The following NRG1 variants were observed in gnomAD, a reference collection of about 807,000 sequenced individuals.
The protein encoded by NRG1 is pro-neuregulin-1, membrane-bound isoform.
In NRG1, 18 loss-of-function variants were observed where a neutral mutation model predicts 63.8. The ratio of observed to expected loss-of-function variants is 0.28; its 90% CI spans 0.19 to 0.42. The LOEUF is 0.42. Ranked by LOEUF, NRG1 falls within the 10% of genes least tolerant of loss-of-function variation. NRG1 has a pLI of 1.00. For missense variants in NRG1, 762 were observed against 814.7 expected, an observed-to-expected ratio of 0.94 and a Z score of 0.79; for synonymous variants, 302 against 301.3, an observed-to-expected ratio of 1.00 and a Z score of -0.02.
intron 1 of NRG1, among the ~76,000 whole-genome samples, chr8:32,145,568 A>C (rs1836783744): frequency 6.6e-6 from 1 of 152,200 alleles, no homozygotes; most frequent in Non-Finnish European, 1.5e-5. Flanking sequence ...GGCTGAAATC[A>C]ACTAGTGCTC....
intron 1 of NRG1, among the ~76,000 whole-genome samples, chr8:32,142,795 G>A (rs949449385): frequency 6.6e-5 from 10 of 152,192 alleles, no homozygotes; most frequent in African/African-American, 4.8e-5. Context: ...TTTAAAAATA[G>A]TGCTAATACA....
intron 1 of NRG1, among the ~76,000 whole-genome samples, chr8:32,070,243 T>G (rs1437675564): frequency 6.6e-6 from 1 of 152,138 alleles, no homozygotes; most frequent in Non-Finnish European, 1.5e-5. Context: ...AAGACCAAGT[T>G]TTCAAGCCAA....
chr8:32,479,495 A>G (rs1222582000), intron 1 of NRG1, among the ~76,000 whole-genome samples: 1 of 151,992 alleles, frequency 6.6e-6, no homozygotes, highest in African/African-American at 2.4e-5. Flanking sequence ...AAATAAATAA[A>G]TTCATTAAAC....
At chr8:31,748,049 G>T (rs1276270182) in intron 1 of NRG1, among the ~76,000 whole-genome samples, 1 of 151,744 alleles carries the variant, frequency 6.6e-6, no homozygotes, top group Non-Finnish European at 1.5e-5. Flanking sequence ...GTTGTTCTTT[G>T]CCAAACATTG....
intron 1 of NRG1, among the ~76,000 whole-genome samples, chr8:32,029,162 C>T (rs1817899995): frequency 6.6e-6 from 1 of 152,124 alleles, no homozygotes; most frequent in South Asian, 2.1e-4. Flanking sequence ...CCTCATTTTT[C>T]TCTAACACAT....
At chr8:31,663,982 T>A (rs1276410704) in intron 1 of NRG1, among the ~76,000 whole-genome samples, 3 of 152,162 alleles carry the variant, frequency 2.0e-5, no homozygotes, top group Middle Eastern at 3.2e-3. Context: ...CTTTTCTTTT[T>A]TTTTAGGGGG....
intron 1 of NRG1, among the ~76,000 whole-genome samples, chr8:32,309,502 T>C (rs1856583019): frequency 6.6e-6 from 1 of 152,234 alleles, no homozygotes; most frequent in South Asian, 2.1e-4. Context: ...CAAATGTGTA[T>C]ACTTTTCTCT....
intron 1 of NRG1, among the ~76,000 whole-genome samples, chr8:32,578,450 T>C (rs936431715): frequency 6.7e-6 from 1 of 148,364 alleles, no homozygotes; most frequent in Non-Finnish European, 1.5e-5. Context: ...GCAGAACCAC[T>C]GCAGACATTC....
chr8:31,995,658 T>C (rs543480758), intron 1 of NRG1, among the ~76,000 whole-genome samples: 1 of 152,052 alleles, frequency 6.6e-6, no homozygotes, highest in East Asian at 2.0e-4. Flanking sequence ...TTTTTGTATG[T>C]GTCCTATTTC....
chr8:32,487,822 C>A (rs372248225), intron 1 of NRG1, among the ~76,000 whole-genome samples: 1 of 152,168 alleles, frequency 6.6e-6, no homozygotes, highest in Non-Finnish European at 1.5e-5. Flanking sequence ...CAACTCGTTA[C>A]CGTCCCTTTC....
chr8:31,696,985 T>C (rs1451314102), intron 1 of NRG1, among the ~76,000 whole-genome samples: 2 of 152,224 alleles, frequency 1.3e-5, no homozygotes, highest in Non-Finnish European at 2.9e-5. Flanking sequence ...TCCATTTTAA[T>C]TCCTATCACT....
At chr8:32,238,643 G>C (rs1296939290) in intron 1 of NRG1, among the ~76,000 whole-genome samples, 1 of 152,018 alleles carries the variant, frequency 6.6e-6, no homozygotes, top group Non-Finnish European at 1.5e-5. Flanking sequence ...TTGCTTCTGG[G>C]TCTAAACCCA....
intron 1 of NRG1, among the ~76,000 whole-genome samples, chr8:31,768,485 A>G (rs1055762737): frequency 1.3e-5 from 2 of 152,176 alleles, no homozygotes; most frequent in African/African-American, 4.8e-5. Context: ...ATCTGTGAAG[A>G]TGACTGGAAT....
chr8:31,749,822 A>C (rs1488059848), intron 1 of NRG1, among the ~76,000 whole-genome samples: 1 of 151,678 alleles, frequency 6.6e-6, no homozygotes, highest in Admixed American at 6.6e-5. Flanking sequence ...TTGCAAATTA[A>C]GGCTTGTTTA....
intron 1 of NRG1, among the ~76,000 whole-genome samples, chr8:32,185,514 G>T (rs192892097): frequency 3.5e-4 from 53 of 152,280 alleles, no homozygotes; most frequent in African/African-American, 1.3e-3. Context: ...TTGTTCATAG[G>T]TGGTCTCTCA....
chr8:31,854,623 CT>C, intron 1 of NRG1, among the ~76,000 whole-genome samples: 1 of 152,086 alleles, frequency 6.6e-6, no homozygotes, highest in East Asian at 1.9e-4. Flanking sequence ...CAGTTCTTCT[CT>C]GATCTTAGTT....
intron 1 of NRG1, among the ~76,000 whole-genome samples, chr8:32,197,312 T>G (rs981119529): frequency 1.3e-5 from 2 of 152,142 alleles, no homozygotes; most frequent in Non-Finnish European, 2.9e-5. Flanking sequence ...CTGTGCATTC[T>G]CTTGTTCACC....
At chr8:32,178,800 A>T (rs1173761085) in intron 1 of NRG1, among the ~76,000 whole-genome samples, 1 of 152,056 alleles carries the variant, frequency 6.6e-6, no homozygotes. Flanking sequence ...GTTCGATAAA[A>T]CTTGGTGATT....
chr8:32,728,015 G>C (rs769339572), exon 6 of NRG1: 2 of 1,614,102 alleles, frequency 1.2e-6, no homozygotes, highest in Non-Finnish European at 8.5e-7. Context: ...AAAACTTTCT[G>C]TGTGAATGGA....
Sources: gnomAD v4.1 joint callset for allele counts (sites outside exome capture counted in the v4.1 genomes callset) on GRCh38, gnomAD v4.1.1 for gene constraint, MANE v1.5 for transcripts, NCBI Gene and HGNC (gene_info 2026-07-23, HGNC 2026-07-21) for gene names.